Variants in PRAMEF2 observed in about 807,000 individuals in gnomAD.
PRAMEF2 encodes PRAME family member 2.
In PRAMEF2, 35 loss-of-function variants were observed where a neutral mutation model predicts 38.0. The observed-to-expected ratio is 0.92, with a 90% CI of 0.70 to 1.22. PRAMEF2 has a LOEUF of 1.22. Among genes scored for constraint, PRAMEF2 ranks in the 50% most tolerant of loss-of-function variants. The pLI is 0.00. For missense variants in PRAMEF2, 562 were observed against 553.9 expected (o/e 1.01, Z -0.15); for synonymous variants, 240 against 232.4 (o/e 1.03, Z -0.30).
Position 12,859,240 on chromosome 1 carries a change from A to G in PRAMEF2, c.231A>G (p.Pro77=), listed in dbSNP as rs116865587. Residue 77 remains proline, a synonymous_variant, in exon 2 of 4, where the codon CCA becomes CCG. Transcript: ENST00000240189. ...TGATGAAGACGCTTCATCTGGAGCC[A>G]TTGAAAGCATTGCTGGAAGGGCTTC... ...VSLMKTLHLE[P]LKALLEGLHM... 0.028 allele frequency: 43,604 copies of G among 1,585,396 alleles called. 1,369 individuals are homozygous for G. The highest frequency in any genetic ancestry group is 0.044 in the South Asian group (3,936 of 89,038).
In PRAMEF2 at chr1:12,860,027, G is replaced by A; in HGVS notation, c.622G>A (p.Gly208Arg). ...SLKIIYINSI[G>R]ELEIHNTCWP... ...GAAAATAATATACATTAATAGTATT[G>A]GGGAGCTGGAAATTCACAACACGTG... Residue 208 changes from glycine (G) to arginine (R), a missense_variant, in exon 3 of 4, where the codon GGG becomes AGG. Gly to Arg is a moderately radical substitution (Grantham distance 125). Coordinates refer to ENST00000240189, the MANE Select transcript of PRAMEF2 (RefSeq NM_023014.1). 3.1e-6 allele frequency: 5 copies of A among 1,606,030 alleles called. No individual in the cohort carries two copies. The highest frequency in any genetic ancestry group is 2.2e-5 in the East Asian group (1 of 44,646).
At chr1:12,860,903 G>A (rs1263586672) in intron 3 of PRAMEF2, among the ~76,000 whole-genome samples, 1 of 149,570 alleles carries the variant, frequency 6.7e-6, no homozygotes, top group Non-Finnish European at 1.5e-5. Context: ...GCTGAGTTGA[G>A]TTCTTTGTTC....
Position 12,861,845 on chromosome 1 carries a change from T to C in PRAMEF2, c.*66T>C, listed in dbSNP as rs1640561071. 1.9e-6 allele frequency: 3 copies of C among 1,555,124 alleles called. No individual in the cohort carries two copies. ...TTCCAGGCACTTGGACACTAAAATC[T>C]ACTATGTAGGTGCAAACTATTTTTC... On this transcript the variant is annotated 3_prime_UTR_variant, in exon 4 of 4. Coordinates refer to ENST00000240189, the MANE Select transcript of PRAMEF2 (RefSeq NM_023014.1).
chr1:12,861,442 A>T lies in PRAMEF2; in HGVS notation c.1088A>T (p.Tyr363Phe). The T allele has an allele frequency of 6.2e-7, 1 of 1,603,026 alleles. No homozygotes were observed. The highest frequency in any genetic ancestry group is 2.2e-5 in the East Asian group (1 of 44,518). ...GTGTTAGAGGGCTGTCAGATCCACT[A>T]CTCCCAACTCAGTGCCATCCTGCCT... ...TLVLEGCQIH[Y>F]SQLSAILPGL... The change falls in exon 4 of 4, where the codon TAC becomes TTC. Residue 363 changes from tyrosine (Y) to phenylalanine (F), a missense_variant. Around this residue, in one of 2 missense-constraint regions of PRAMEF2, gnomAD observed 486 missense variants for 444.2 expected, o/e 1.09. Transcript: ENST00000240189.
Position 12,861,076 on chromosome 1 carries a change from C to A in PRAMEF2, c.867-145C>A, listed in dbSNP as rs561194287. The A allele has an allele frequency of 8.1e-6, 8 of 988,106 alleles. 1 individual carries two copies. Among genetic ancestry groups the A allele is most frequent in the East Asian group, 2.5e-5 (1 of 40,764 alleles). The allele number at this position is 988,106 out of a possible 1,614,324, so 61.2% of individuals were successfully genotyped here. On this transcript the variant is annotated intron_variant, in intron 3 of 3. Transcript: ENST00000240189. ...GCCCCTGAACGATCAGGGTCCTCAT[C>A]ATGCAGCAACTTCCATGAGGACCAT...
chr1:12,861,366 G>C lies in PRAMEF2; in HGVS notation c.1012G>C (p.Glu338Gln), dbSNP rs368144271. The C allele has an allele frequency of 4.3e-5, 69 of 1,606,158 alleles. 3 individuals carry two copies. Among genetic ancestry groups the C allele is most frequent in the Non-Finnish European group, 5.5e-5 (65 of 1,176,364 alleles). Residue 338 changes from glutamate (E) to glutamine (Q), a missense_variant, in exon 4 of 4, where the codon GAA (glutamate) becomes CAA (glutamine). By Grantham distance (29) the Glu-to-Gln change is conservative (BLOSUM62 2). Transcript: ENST00000240189. ...SYVLLFRISL[E>Q]PLGALLEKIA... ...CGTGCTGCTGTTCCGCATCAGTCTT[G>C]AACCCCTAGGAGCTCTGCTAGAGAA... is the stretch of plus-strand genomic sequence containing the variant.
At chr1:12,860,360 G>A in intron 3 of PRAMEF2, 89 bp downstream of exon 3, 3 of 1,563,934 alleles carry the variant, frequency 1.9e-6, no homozygotes, top group South Asian at 2.3e-5. Context: ...CTGTGTGCCA[G>A]CCAGTGGCAA....
In PRAMEF2 at chr1:12,859,079, T is replaced by C. The variant is rs143238564; in HGVS notation, c.70T>C (p.Ser24Pro). 2.5e-6 allele frequency: 4 copies of C among 1,595,486 alleles called. No individual in the cohort carries two copies. The highest frequency in any genetic ancestry group is 3.4e-6 in the Non-Finnish European group (4 of 1,169,344). Reference sequence around the variant, plus strand: ...GAGCCTGCTGAGAGACCAGGCCTTGTCCATCTCTGCCATGGAGGAGCTGCC... The same window carrying C: ...GAGCCTGCTGAGAGACCAGGCCTTGCCCATCTCTGCCATGGAGGAGCTGCC... ...GQSLLRDQAL[S>P]ISAMEELPRV... Residue 24 changes from serine to proline, a missense_variant, in exon 2 of 4, where the codon TCC becomes CCC. Physicochemically the swap from Ser to Pro is moderately conservative, Grantham distance 74. This residue lies in a region of PRAMEF2 where 486 missense variants were observed against 444.2 expected (regional missense o/e 1.09). Transcript: ENST00000240189.
chr1:12,859,093 G>A lies in PRAMEF2; in HGVS notation c.84G>A (p.Met28Ile), dbSNP rs181155957. 1 of 1,605,472 alleles carries A rather than the reference G, an allele frequency of 6.2e-7. No homozygotes were observed. Among genetic ancestry groups the A allele is most frequent in the African/African-American group, 1.3e-5 (1 of 74,092 alleles). ...ACCAGGCCTTGTCCATCTCTGCCAT[G>A]GAGGAGCTGCCCAGGGTGCTCTATC... ...LRDQALSISAMEELPRVLYLP... is the reference protein window; with the variant it reads ...LRDQALSISAIEELPRVLYLP... The change falls in exon 2 of 4, where the codon ATG becomes ATA. Residue 28 changes from methionine to isoleucine, a missense_variant. By Grantham distance (10) the Met-to-Ile change is conservative (BLOSUM62 1). This residue lies in a region of PRAMEF2 where 486 missense variants were observed against 444.2 expected (regional missense o/e 1.09). Coordinates refer to ENST00000240189, the MANE Select transcript of PRAMEF2 (RefSeq NM_023014.1).
At position 12,861,325 on chromosome 1, in the gene PRAMEF2, A is replaced by T. The variant is rs781235153; in HGVS notation, c.971A>T (p.His324Leu). ...SQFPSLGYLK[H>L]LNLSYVLLFR... ...TTCCCAAGCCTCGGTTACCTAAAGC[A>T]TCTGAATCTCAGCTACGTGCTGCTG... is the stretch of plus-strand genomic sequence containing the variant. Residue 324 changes from histidine to leucine, a missense_variant, in exon 4 of 4, where the codon CAT becomes CTT. By Grantham distance (99) the His-to-Leu change is moderately conservative (BLOSUM62 -3). This residue lies in a region of PRAMEF2 where 486 missense variants were observed against 444.2 expected (regional missense o/e 1.09). Coordinates refer to ENST00000240189, the MANE Select transcript of PRAMEF2 (RefSeq NM_023014.1). The T allele has an allele frequency of 4.4e-6, 7 of 1,606,960 alleles. No individual in the cohort carries two copies. The highest frequency in any genetic ancestry group is 1.3e-5 in the African/African-American group (1 of 74,302).
At chr1:12,858,174 G>C (rs1000756610) in intron 1 of PRAMEF2, among the ~76,000 whole-genome samples, 1 of 149,986 alleles carries the variant, frequency 6.7e-6, no homozygotes, top group Non-Finnish European at 1.5e-5. Context: ...GGCTTCAAGT[G>C]ATTCTCCTTC....
At chr1:12,859,532 G>T (rs1350305695) in intron 2 of PRAMEF2, among the ~76,000 whole-genome samples, 161 bp from the exon 3 acceptor site, 1 of 151,242 alleles carries the variant, frequency 6.6e-6, no homozygotes, top group Non-Finnish European at 1.5e-5. Context: ...GGGAATAGAA[G>T]TGGGGACCAC....
At position 12,860,184 on chromosome 1, in the gene PRAMEF2, C is replaced by A. The variant is rs3204813; in HGVS notation, c.779C>A (p.Thr260Asn). 2.5e-6 allele frequency: 4 copies of A among 1,605,248 alleles called. No homozygotes were observed. In the African/African-American group the frequency reaches 4.0e-5, roughly 16 times the overall value. Residue 260 changes from threonine to asparagine, a missense_variant, in exon 3 of 4, where the codon ACC (threonine) becomes AAC (asparagine). Thr to Asn is a moderately conservative substitution (Grantham distance 65, BLOSUM62 0). Transcript: ENST00000240189. ...GAGGGATGGTTAGTCACCAGATTCA[C>A]CTCTGTGTTCCTCAGGCTGGAACAC... ...ELEGWLVTRF[T>N]SVFLRLEHLQ...
In PRAMEF2 at chr1:12,858,970, G is replaced by A. The variant is rs759513873; in HGVS notation, c.-25-15G>A. The stretch of plus-strand genomic sequence containing the variant: ...GCCCTGAGAGTGATACATTCTCCCT[G>A]GATTTGTCTTCTAGAGATTTTTCTT... On this transcript the variant is annotated splice_polypyrimidine_tract_variant and intron_variant, in intron 1 of 3. Coordinates refer to ENST00000240189, the MANE Select transcript of PRAMEF2 (RefSeq NM_023014.1). 6.3e-7 allele frequency: 1 copy of A among 1,589,702 alleles called. No individual in the cohort carries two copies. The highest frequency in any genetic ancestry group is 1.1e-5 in the South Asian group (1 of 89,164).
intron 3 of PRAMEF2, 107 bp from the exon 4 acceptor site, chr1:12,861,114 G>A: frequency 7.7e-7 from 1 of 1,302,466 alleles, no homozygotes; most frequent in East Asian, 2.3e-5. Context: ...TCAGATGGTG[G>A]GAACAAACTT....
rs1419157273 is a variant in PRAMEF2, at chr1:12,857,090, A to G, written c.-83A>G. 7.2e-4 allele frequency: 106 copies of G among 147,098 alleles called. No homozygotes were observed. Among genetic ancestry groups the G allele is most frequent in the Admixed American group, 2.1e-3 (30 of 14,132 alleles). The allele number at this position is 147,098 out of a possible 1,614,324, so 9.1% of individuals were successfully genotyped here. A position where few individuals can be genotyped will look rare whatever the true frequency, so the allele number is the denominator to read the frequency against. Reference sequence around the variant, plus strand: ...AAGAGACCCACAGCACTCACACCTGAAGCTACTGGTTGGTTCCCTGAGAGG... The same window carrying G: ...AAGAGACCCACAGCACTCACACCTGGAGCTACTGGTTGGTTCCCTGAGAGG... On this transcript the variant is annotated 5_prime_UTR_variant, in exon 1 of 4. Transcript: ENST00000240189.
intron 1 of PRAMEF2, among the ~76,000 whole-genome samples, chr1:12,858,605 G>A (rs1640483663): frequency 2.0e-5 from 3 of 150,114 alleles, no homozygotes; most frequent in South Asian, 2.1e-4. Flanking sequence ...TGAGAATGGA[G>A]GCTGTCTGGG....
chr1:12,858,933 G>A (rs529971286), intron 1 of PRAMEF2, 52 bp from the exon 2 acceptor site: 3 of 1,539,240 alleles, frequency 1.9e-6, no homozygotes, highest in East Asian at 2.3e-5. Context: ...AGAAGATGAG[G>A]TGATTGTGTT....
At chr1:12,860,345 G>A (rs60849423) in intron 3 of PRAMEF2, 74 bp downstream of exon 3, 76,350 of 1,571,680 alleles carry the variant, frequency 0.049, 1,212 homozygotes, top group East Asian at 0.22. Context: ...ATTAGAAGGC[G>A]TGTACTGTGT....
Sources: gnomAD v4.1 joint callset for allele counts (sites outside exome capture counted in the v4.1 genomes callset) on GRCh38, gnomAD v4.1.1 for gene constraint, gnomAD v4.1.1 regional missense constraint, MANE v1.5 for transcripts, NCBI Gene and HGNC (gene_info 2026-07-23, HGNC 2026-07-21) for gene names.